ANKS6: variants seen among roughly 807,000 people sequenced by gnomAD.
The protein encoded by ANKS6 is ankyrin repeat and sterile alpha motif domain containing 6, also known as ankyrin repeat and SAM domain-containing protein 6.
ANKS6 carries 47 observed loss-of-function variants against 77.9 expected under a neutral mutation model. The observed-to-expected ratio is 0.60, with a 90% CI of 0.48 to 0.77. The LOEUF is 0.77. ANKS6 is among the 30% of genes least tolerant of loss of function. ANKS6 has a pLI of 0.00. For missense variants in ANKS6, 1,150 were observed against 1,159.1 expected, an observed-to-expected ratio of 0.99 and a Z score of 0.11; for synonymous variants, 488 against 501.7, an observed-to-expected ratio of 0.97 and a Z score of 0.37.
intron 13 of ANKS6, among the ~76,000 whole-genome samples, chr9:98,745,885 C>T (rs1324115197): frequency 6.6e-6 from 1 of 152,142 alleles, no homozygotes; most frequent in Non-Finnish European, 1.5e-5. Context: ...CTTGGATTTT[C>T]TGAACAGATG....
intron 5 of ANKS6, among the ~76,000 whole-genome samples, chr9:98,780,903 CT>C (rs201837649): frequency 0.013 from 1,808 of 141,512 alleles, 9 homozygotes; most frequent in Non-Finnish European, 0.016. Flanking sequence ...ATGACTATTT[CT>C]TTTTTTTTTT....
At chr9:98,785,504 G>C (rs150401381) in intron 2 of ANKS6, among the ~76,000 whole-genome samples, 2 of 152,194 alleles carry the variant, frequency 1.3e-5, no homozygotes, top group Non-Finnish European at 2.9e-5. Flanking sequence ...GGCTGGGGCC[G>C]GACCCCATGC....
rs370710280 is a variant in ANKS6 at position 98,778,285 on chromosome 9, G to C, written c.1508C>G (p.Pro503Arg). The change falls in exon 7 of 15, where the codon CCC becomes CGC. Residue 503 changes from proline (P) to arginine (R), a missense_variant. Transcript: ENST00000353234. ...TGCAGAGCGGCTTGTCTTGTCCTGG[G>C]GGGCAGCCCTCATTGTGGAGTCCAG... ...PALDSTMRAA[P>R]QDKTSRSALP... is the part of the protein sequence containing the mutation. 13 of 1,614,036 alleles carry C rather than the reference G, an allele frequency of 8.1e-6. No individual in the cohort carries two copies. The African/African-American group carries it at 1.3e-4, about 17-fold the overall frequency.
intron 11 of ANKS6, among the ~76,000 whole-genome samples, chr9:98,758,152 C>T (rs748270340): frequency 1.3e-5 from 2 of 151,936 alleles, no homozygotes; most frequent in East Asian, 3.9e-4. Context: ...TGTTCTTTCT[C>T]TCCTATTTAT....
rs1238161316 is a variant in ANKS6, at chr9:98,756,413, G to C, written c.2326+7C>G. On this transcript the variant is annotated splice_region_variant and intron_variant, in intron 12 of 14. Transcript: ENST00000353234. ...TAGGTGGGGTTTCAGGCCCTCAGGG[G>C]ACTCACCCTCATCTGTGATGGTGCC... is the stretch of plus-strand genomic sequence containing the variant. 6.2e-7 allele frequency: 1 copy of C among 1,611,830 alleles called. No homozygotes were observed. Among genetic ancestry groups the C allele is most frequent in the Non-Finnish European group, 8.5e-7 (1 of 1,178,970 alleles).
Position 98,796,102 on chromosome 9 carries a change from G to A in ANKS6, c.359+31C>T, listed in dbSNP as rs1021965759. 6.9e-6 allele frequency: 9 copies of A among 1,310,910 alleles called. No homozygotes were observed. In the East Asian group the frequency reaches 2.2e-4, roughly 32 times the overall value. 81.2% of individuals were successfully genotyped at this position (1,310,910 alleles called of 1,614,324 possible). ...TCGGGCCAGCGCCGGGCACCACTCT[G>A]GTCCCGGGCCCCCGGGCCCCGCCGC... is the stretch of plus-strand genomic sequence containing the variant. On this transcript the variant is annotated intron_variant, in intron 1 of 14. Coordinates refer to ENST00000353234, the MANE Select transcript of ANKS6 (RefSeq NM_173551.5).
intron 12 of ANKS6, among the ~76,000 whole-genome samples, chr9:98,755,296 T>G (rs1459436257): frequency 1.3e-5 from 2 of 152,166 alleles, no homozygotes; most frequent in Non-Finnish European, 2.9e-5. Context: ...CAATCAGATT[T>G]TCCTCCCTGC....
At chr9:98,782,201 C>T (rs1013395955) in intron 5 of ANKS6, among the ~76,000 whole-genome samples, 43 of 152,274 alleles carry the variant, frequency 2.8e-4, no homozygotes, top group Non-Finnish European at 4.6e-4. Flanking sequence ...AAGTCAGACA[C>T]GTCTTATTTT....
At chr9:98,763,834 C>T (rs1373220777) in intron 11 of ANKS6, among the ~76,000 whole-genome samples, 1 of 152,020 alleles carries the variant, frequency 6.6e-6, no homozygotes, top group East Asian at 1.9e-4. Context: ...TAGATACATA[C>T]TACTAACAAC....
chr9:98,790,656 G>A (rs758150903), intron 1 of ANKS6, 50 bp from the exon 2 acceptor site: 7 of 1,561,916 alleles, frequency 4.5e-6, no homozygotes, highest in Non-Finnish European at 6.1e-6. Flanking sequence ...GCACTCGGGG[G>A]CCAGCTTATG....
chr9:98,769,127 G>GA (rs367857301), intron 10 of ANKS6, among the ~76,000 whole-genome samples: 28,226 of 102,846 alleles, frequency 0.27, 3,149 homozygotes, highest in East Asian at 0.41. Flanking sequence ...CTGTCTCAAA[G>GA]AAAAAAAAAA....
chr9:98,784,610 CA>C (rs1834463481), intron 3 of ANKS6: 1 of 543,144 alleles, frequency 1.8e-6, no homozygotes, highest in African/African-American at 1.9e-5. Context: ...CATAGCTAGA[CA>C]GTGTTTGGCT....
In ANKS6 at chr9:98,755,806, T is replaced by G. The variant is rs148743320; in HGVS notation, c.2326+614A>C. 2.4e-3 allele frequency among the ~76,000 whole-genome samples: 364 copies of G among 152,220 alleles called. 1 individual carries two copies. The highest frequency in any genetic ancestry group is 8.5e-3 in the African/African-American group (352 of 41,536). The stretch of plus-strand genomic sequence containing the variant: ...GTCAAGGGAGGGCAACTGACCTAGG[T>G]CATTATAAATACAGCCAAGCCAATG... On this transcript the variant is annotated intron_variant, in intron 12 of 14. Transcript: ENST00000353234.
Position 98,736,084 on chromosome 9 carries a change from C to G in ANKS6, c.*435G>C. 8.6e-7 allele frequency: 1 copy of G among 1,166,108 alleles called. No homozygotes were observed. The highest frequency in any genetic ancestry group is 1.1e-6 in the Non-Finnish European group (1 of 945,312). 72.2% of individuals were successfully genotyped at this position (1,166,108 alleles called of 1,614,324 possible). A position where few individuals can be genotyped will look rare whatever the true frequency, so the allele number is the denominator to read the frequency against. ...TGGCCTCCTCTGCATCCAGGTGGGG[C>G]CACATGACTACCAGTGGCCAAGAGG... On this transcript the variant is annotated 3_prime_UTR_variant, in exon 15 of 15. Transcript: ENST00000353234.
intron 11 of ANKS6, among the ~76,000 whole-genome samples, chr9:98,761,657 C>T (rs1442491061): frequency 1.3e-5 from 2 of 152,178 alleles, no homozygotes; most frequent in Admixed American, 6.5e-5. Context: ...ATTGTTCCAG[C>T]ACTCTTCATT....
chr9:98,748,434 G>A (rs937447707), intron 13 of ANKS6, among the ~76,000 whole-genome samples: 1 of 152,166 alleles, frequency 6.6e-6, no homozygotes, highest in South Asian at 2.1e-4. Flanking sequence ...TTTTAGCTGG[G>A]CACATTTCCA....
At chr9:98,763,026 G>T (rs1217840657) in intron 11 of ANKS6, among the ~76,000 whole-genome samples, 1 of 152,078 alleles carries the variant, frequency 6.6e-6, no homozygotes, top group Non-Finnish European at 1.5e-5. Flanking sequence ...CCAAACTGCA[G>T]TTATAGTTGG....
intron 13 of ANKS6, among the ~76,000 whole-genome samples, chr9:98,748,131 G>A (rs2117864524): frequency 6.6e-6 from 1 of 152,390 alleles, no homozygotes; most frequent in Non-Finnish European, 1.5e-5. Flanking sequence ...GGCTCTGGCA[G>A]AGGGTCTGGC....
At chr9:98,774,275 A>G (rs1833801160) in intron 8 of ANKS6, among the ~76,000 whole-genome samples, 195 bp from the exon 9 acceptor site, 1 of 152,102 alleles carries the variant, frequency 6.6e-6, no homozygotes, top group South Asian at 2.1e-4. Context: ...CGCCAACACC[A>G]GGCTTCTTCT....
Sources: gnomAD v4.1 joint callset for allele counts (sites outside exome capture counted in the v4.1 genomes callset) on GRCh38, gnomAD v4.1.1 for gene constraint, MANE v1.5 for transcripts, NCBI Gene and HGNC (gene_info 2026-07-23, HGNC 2026-07-21) for gene names.